TMEM132D: variants seen among roughly 807,000 people sequenced by gnomAD.
TMEM132D encodes the protein mature OL transmembrane protein.
Under a neutral mutation model 62.3 loss-of-function variants are expected in TMEM132D, and 21 were observed. That is an observed-to-expected ratio of 0.34 (90% CI 0.24 to 0.49). The LOEUF (loss-of-function observed/expected upper bound fraction) is 0.49. TMEM132D is among the 20% of genes least tolerant of loss of function. TMEM132D has a pLI of 0.99. For missense variants in TMEM132D, 1,346 were observed against 1,402.8 expected, an observed-to-expected ratio of 0.96 and a Z score of 0.65; for synonymous variants, 621 against 575.6, an observed-to-expected ratio of 1.08 and a Z score of -1.13.
intron 3 of TMEM132D, among the ~76,000 whole-genome samples, chr12:129,418,255 T>C (rs970203580): frequency 6.6e-6 from 1 of 152,244 alleles, no homozygotes; most frequent in South Asian, 2.1e-4. Flanking sequence ...TAAAGACACA[T>C]ACACGTGTAT....
At chr12:129,157,828 T>C (rs1877290793) in intron 5 of TMEM132D, among the ~76,000 whole-genome samples, 1 of 152,222 alleles carries the variant, frequency 6.6e-6, no homozygotes, top group Admixed American at 6.5e-5. Context: ...TTCATTGCTT[T>C]TTCCTCTGCA....
chr12:129,090,393 C>T (rs1482226705), intron 5 of TMEM132D, among the ~76,000 whole-genome samples: 3 of 152,116 alleles, frequency 2.0e-5, no homozygotes, highest in African/African-American at 4.8e-5. Context: ...AGGGGCTGGG[C>T]GCAGGCTCAC....
At chr12:129,212,840 G>GA (rs55695357) in intron 4 of TMEM132D, among the ~76,000 whole-genome samples, 76,183 of 151,926 alleles carry the variant, frequency 0.5, 19,523 homozygotes, top group East Asian at 0.72. Context: ...GTGGCACTGA[G>GA]AAGGTATCAC....
chr12:129,484,159 G>C (rs1193236982), intron 3 of TMEM132D, among the ~76,000 whole-genome samples: 1 of 152,028 alleles, frequency 6.6e-6, no homozygotes, highest in South Asian at 2.1e-4. Flanking sequence ...TAGTAGAGAT[G>C]GGGATTCACC....
chr12:129,747,953 G>A (rs751498655), intron 1 of TMEM132D, among the ~76,000 whole-genome samples: 3 of 152,144 alleles, frequency 2.0e-5, no homozygotes, highest in East Asian at 3.9e-4. Flanking sequence ...GCGGACAGGC[G>A]ACGCGTATTT....
At chr12:129,080,075 A>C (rs1351532538) in intron 7 of TMEM132D, among the ~76,000 whole-genome samples, 1 of 152,210 alleles carries the variant, frequency 6.6e-6, no homozygotes, top group Non-Finnish European at 1.5e-5. Flanking sequence ...GTAGGGATTC[A>C]GGTCTTTCAA....
chr12:129,384,363 A>AAAAT (rs972587464), intron 3 of TMEM132D, among the ~76,000 whole-genome samples: 14 of 152,340 alleles, frequency 9.2e-5, no homozygotes, highest in South Asian at 2.1e-4. Context: ...CACAAAAGAC[A>AAAAT]AAATAAATAA....
At chr12:129,676,810 T>C (rs1880642807) in intron 2 of TMEM132D, among the ~76,000 whole-genome samples, 1 of 151,438 alleles carries the variant, frequency 6.6e-6, no homozygotes, top group African/African-American at 2.5e-5. Flanking sequence ...TCTATCATCA[T>C]CTATCTATGT....
intron 2 of TMEM132D, among the ~76,000 whole-genome samples, chr12:129,593,097 A>G (rs989455704): frequency 1.3e-5 from 2 of 151,210 alleles, no homozygotes; most frequent in African/African-American, 2.4e-5. Context: ...GCTAAAATAC[A>G]CATTCTATAA....
At chr12:129,177,464 A>G (rs1024893278) in intron 5 of TMEM132D, among the ~76,000 whole-genome samples, 2 of 152,208 alleles carry the variant, frequency 1.3e-5, no homozygotes, top group Admixed American at 6.5e-5. Flanking sequence ...TTGGATGTTT[A>G]AAAGTATATG....
intron 1 of TMEM132D, among the ~76,000 whole-genome samples, chr12:129,721,756 G>T (rs4759999): frequency 0.82 from 125,328 of 151,986 alleles, 52,228 homozygotes; most frequent in Non-Finnish European, 0.9. Flanking sequence ...AGTCCTGGGG[G>T]TATCACCCAT....
chr12:129,308,533 C>G lies in TMEM132D; in HGVS notation c.1299+29101G>C, dbSNP rs115628442. On this transcript the variant is annotated intron_variant, in intron 4 of 8. Transcript: ENST00000422113. ...CTACTTTGGCCAACGTTTCAATAAACAAGCAGGGCTTACTTCCTATCACTT... is the reference window on the plus strand; with the variant it reads ...CTACTTTGGCCAACGTTTCAATAAAGAAGCAGGGCTTACTTCCTATCACTT... Among the ~76,000 whole-genome samples, 1,007 of 152,312 alleles carry G rather than the reference C, an allele frequency of 6.6e-3. 12 individuals carry two copies. Among genetic ancestry groups the G allele is most frequent in the African/African-American group, 0.023 (948 of 41,566 alleles).
At chr12:129,809,179 G>T (rs1045054448) in intron 1 of TMEM132D, among the ~76,000 whole-genome samples, 4 of 152,008 alleles carry the variant, frequency 2.6e-5, no homozygotes, top group East Asian at 3.9e-4. Flanking sequence ...ATGGTGGCGG[G>T]CACCTGTAGT....
At chr12:129,655,632 A>G (rs1363243035) in intron 2 of TMEM132D, among the ~76,000 whole-genome samples, 20 of 151,998 alleles carry the variant, frequency 1.3e-4, no homozygotes, top group Non-Finnish European at 2.8e-4. Context: ...ACCTAAGGCC[A>G]CCGAGAGGTG....
chr12:129,841,406 C>G (rs866702290), intron 1 of TMEM132D, among the ~76,000 whole-genome samples: 3 of 152,056 alleles, frequency 2.0e-5, no homozygotes, highest in Middle Eastern at 3.2e-3. Flanking sequence ...TTCATTCATT[C>G]GGGGCTGAGA....
At chr12:129,290,700 T>A (rs1881427474) in intron 4 of TMEM132D, among the ~76,000 whole-genome samples, 1 of 152,196 alleles carries the variant, frequency 6.6e-6, no homozygotes, top group Non-Finnish European at 1.5e-5. Flanking sequence ...TAGCCTTATT[T>A]GCAATATTTT....
chr12:129,311,363 T>C (rs1298878096), intron 4 of TMEM132D, among the ~76,000 whole-genome samples: 6 of 152,164 alleles, frequency 3.9e-5, no homozygotes, highest in Non-Finnish European at 8.8e-5. Context: ...TAGCACATGG[T>C]ATGCTTCCAG....
At chr12:129,613,599 C>T (rs155729) in intron 2 of TMEM132D, among the ~76,000 whole-genome samples, 102,756 of 152,128 alleles carry the variant, frequency 0.68, 35,094 homozygotes, top group Middle Eastern at 0.76. Context: ...TGTCAGGAAG[C>T]ATACGGATGT....
At chr12:129,337,569 T>G (rs2135657662) in intron 4 of TMEM132D, 65 bp downstream of exon 4, 2 of 1,594,242 alleles carry the variant, frequency 1.3e-6, no homozygotes, top group East Asian at 2.2e-5. Context: ...TGGGACTCAG[T>G]GCGGCGCCGG....
Sources: gnomAD v4.1 joint callset for allele counts (sites outside exome capture counted in the v4.1 genomes callset) on GRCh38, gnomAD v4.1.1 for gene constraint, MANE v1.5 for transcripts, NCBI Gene and HGNC (gene_info 2026-07-23, HGNC 2026-07-21) for gene names.